The following CKB variants were observed in gnomAD, a reference collection of about 807,000 sequenced individuals.
The protein encoded by CKB is creatine kinase B.
CKB carries 15 observed loss-of-function variants against 36.9 expected under a neutral mutation model. The ratio of observed to expected loss-of-function variants is 0.41; its 90% confidence interval spans 0.27 to 0.63. The LOEUF (loss-of-function observed/expected upper bound fraction) is 0.63. Ranked by LOEUF, CKB falls within the 20% of genes least tolerant of loss-of-function variation. CKB has a pLI of 0.34. For synonymous variants in CKB, 250 were observed against 228.2 expected, an observed-to-expected ratio of 1.10 and a Z score of -0.86; for missense variants, 413 against 534.9, an observed-to-expected ratio of 0.77 and a Z score of 2.25.
intron 4 of CKB, 172 bp from the exon 5 acceptor site, chr14:103,521,606 G>A (rs1045634033): frequency 3.3e-6 from 3 of 904,690 alleles, no homozygotes; most frequent in Middle Eastern, 3.6e-4. Context: ...CGGTGACCCC[G>A]CGCCAGGACC....
At chr14:103,521,483 G>C (rs1274346739) in intron 4 of CKB, 49 bp from the exon 5 acceptor site, 1 of 1,435,782 alleles carries the variant, frequency 7.0e-7, no homozygotes, top group Non-Finnish European at 9.1e-7. Flanking sequence ...CGCCCCTCCA[G>C]CCCGCAGCGC....
chr14:103,520,924 A>G, intron 5 of CKB: 1 of 512,748 alleles, frequency 2.0e-6, no homozygotes, highest in Non-Finnish European at 3.5e-6. Flanking sequence ...CCAGCGGCGG[A>G]GGAGTGAGAA....
At position 103,521,415 on chromosome 14, in the gene CKB, G is replaced by T. The variant is rs1232714725; in HGVS notation, c.501C>A (p.Gly167=). 1 of 1,601,854 alleles carries T rather than the reference G, an allele frequency of 6.2e-7. No homozygotes were observed. The highest frequency in any genetic ancestry group is 8.5e-7 in the Non-Finnish European group (1 of 1,178,476). The change falls in exon 5 of 8, where the codon GGC becomes GGA. Residue 167 remains glycine (G), a synonymous_variant. Transcript: ENST00000348956. ...LAVEALSSLD[G]DLAGRYYALK... is the part of the protein sequence containing the mutation. ...GCGCGTAGTATCGGCCCGCCAGGTC[G>T]CCGTCCAGGCTGGACAGGGCTGCGA... is the stretch of plus-strand genomic sequence containing the variant.
rs1305950574 is a variant in CKB, at chr14:103,521,265, G to C, written c.651C>G (p.Ile217Met). The C allele has an allele frequency of 1.3e-6, 2 of 1,591,044 alleles. No homozygotes were observed. The highest frequency in any genetic ancestry group is 1.7e-6 in the Non-Finnish European group (2 of 1,172,988). The change falls in exon 5 of 8, where the codon ATC (isoleucine) becomes ATG (methionine). Residue 217 changes from isoleucine to methionine, a missense_variant and splice_region_variant. Ile to Met is a conservative substitution (Grantham distance 10). Coordinates refer to ENST00000348956, the MANE Select transcript of CKB (RefSeq NM_001823.5). ...AGAGGGCGCAGAGGGACACGCACCA[G>C]ATACCGCGGGCGTCGGGCCAGTCGC... is the stretch of plus-strand genomic sequence containing the variant. Reference protein sequence around the residue: ...MARDWPDARGIWHNDNKTFLV... With the variant: ...MARDWPDARGMWHNDNKTFLV...
intron 5 of CKB, chr14:103,520,999 C>T (rs1030483888): frequency 3.3e-6 from 2 of 601,200 alleles, no homozygotes; most frequent in African/African-American, 3.8e-5. Flanking sequence ...CCCGCCCCCA[C>T]CTCACGTCTC....
At position 103,520,323 on chromosome 14, in the gene CKB, G is replaced by T. The variant is rs1159943956; in HGVS notation, c.778-12C>A. 1 of 1,600,174 alleles carries T rather than the reference G, an allele frequency of 6.2e-7. No homozygotes were observed. The highest frequency in any genetic ancestry group is 2.2e-5 in the East Asian group (1 of 44,630). ...AAGAGAGTTTCAATCTGCAGACGGA[G>T]AAGAGGGTATGAGGGAGAAGGCCTG... is the stretch of plus-strand genomic sequence containing the variant. On this transcript the variant is annotated splice_polypyrimidine_tract_variant and intron_variant, in intron 6 of 7. Coordinates refer to ENST00000348956, the MANE Select transcript of CKB (RefSeq NM_001823.5).
At chr14:103,520,419 C>G (rs1468083650) in intron 6 of CKB, 50 bp downstream of exon 6, 2 of 1,590,738 alleles carry the variant, frequency 1.3e-6, no homozygotes, top group East Asian at 2.3e-5. Flanking sequence ...GCTGGGGCAC[C>G]CACATCCCTG....
In CKB at chr14:103,522,267, G is replaced by A. The variant is rs1007527447; in HGVS notation, c.193+34C>T. 17 of 1,575,588 alleles carry A rather than the reference G, an allele frequency of 1.1e-5. No individual in the cohort carries two copies. Among genetic ancestry groups the A allele is most frequent in the Admixed American group, 5.5e-5 (3 of 54,804 alleles). ...ACCCTGCGGCTGCGCGGGGGGAGGG[G>A]GGGCCGGGACCCCGGCCCCGAGGGG... On this transcript the variant is annotated intron_variant, in intron 2 of 7. Coordinates refer to ENST00000348956, the MANE Select transcript of CKB (RefSeq NM_001823.5). The surrounding 1 kb of genome is among the most constrained non-coding windows in gnomAD (Gnocchi z 6.7).
chr14:103,519,780 G>C lies in CKB; in HGVS notation c.*84C>G. ...CAGCAAGGCTAAGGGCTCGCCAGAC[G>C]GCGAACATCAGGGGTGCATGGTGGG... On this transcript the variant is annotated 3_prime_UTR_variant, in exon 8 of 8. Coordinates refer to ENST00000348956, the MANE Select transcript of CKB (RefSeq NM_001823.5). 1 of 1,469,466 alleles carries C rather than the reference G, an allele frequency of 6.8e-7. No individual in the cohort carries two copies. The highest frequency in any genetic ancestry group is 1.3e-5 in the South Asian group (1 of 75,008). The allele number at this position is 1,469,466 out of a possible 1,614,324, so 91.0% of individuals were successfully genotyped here.
rs2075885423 is a variant in CKB at position 103,519,721 on chromosome 14, AAAT to A, written c.*140_*142del. ...ATCAGCAGTATCTTAGCCATCAAAAAAATAAACTCTACCAAGGGTGACGGAAGT... is the reference window on the plus strand; with the variant it reads ...ATCAGCAGTATCTTAGCCATCAAAAAAAACTCTACCAAGGGTGACGGAAGT... On this transcript the variant is annotated 3_prime_UTR_variant, in exon 8 of 8. Coordinates refer to ENST00000348956, the MANE Select transcript of CKB (RefSeq NM_001823.5). The A allele has an allele frequency of 1.0e-6, 1 of 959,624 alleles. No homozygotes were observed. The highest frequency in any genetic ancestry group is 2.5e-5 in the East Asian group (1 of 39,252). The allele number at this position is 959,624 out of a possible 1,614,324, so 59.4% of individuals were successfully genotyped here.
At chr14:103,521,485 C>G in intron 4 of CKB, 51 bp from the exon 5 acceptor site, 4 of 1,436,398 alleles carry the variant, frequency 2.8e-6, no homozygotes, top group Non-Finnish European at 3.6e-6. Flanking sequence ...CCCCTCCAGC[C>G]CGCAGCGCGG....
Position 103,520,138 on chromosome 14 carries a change from A to C in CKB, c.951T>G (p.Leu317=), listed in dbSNP as rs3208514. Residue 317 remains leucine (L), a synonymous_variant, in exon 7 of 8, where the codon CTT becomes CTG. Coordinates refer to ENST00000348956, the MANE Select transcript of CKB (RefSeq NM_001823.5). The part of the protein sequence containing the change: ...KFSEVLKRLR[L]QKRGTGGVDT... ...CCTGCTCACCTGTGCCTCGCTTCTG[A>C]AGTCGCAGCCGCTTAAGCACCTCCG... is the stretch of plus-strand genomic sequence containing the variant. The C allele has an allele frequency of 1.9e-6, 3 of 1,603,876 alleles. No homozygotes were observed. The Admixed American group carries it at 5.1e-5, about 27-fold the overall frequency.
rs1195274202 is a variant in CKB at position 103,522,788 on chromosome 14, G to A, written c.-35C>T. The A allele has an allele frequency of 6.6e-6, 1 of 150,656 alleles. No individual in the cohort carries two copies. The highest frequency in any genetic ancestry group is 1.5e-5 in the Non-Finnish European group (1 of 67,458). The allele number at this position is 150,656 out of a possible 1,614,324, so 9.3% of individuals were successfully genotyped here. A position where few individuals can be genotyped will look rare whatever the true frequency, so the allele number is the denominator to read the frequency against. Reference sequence around the variant, plus strand: ...CACCGGGCGGCCGGGCGGGGGCGGGGGCGCTCCGTCCGTCGGCAGCTCCCG... The same window carrying A: ...CACCGGGCGGCCGGGCGGGGGCGGGAGCGCTCCGTCCGTCGGCAGCTCCCG... On this transcript the variant is annotated 5_prime_UTR_variant, in exon 1 of 8. Transcript: ENST00000348956. This position sits in a 1 kb window ranked among gnomAD's most constrained non-coding sequence, Gnocchi z 6.7.
At chr14:103,520,363 A>G in intron 6 of CKB, 52 bp from the exon 7 acceptor site, 1 of 1,586,426 alleles carries the variant, frequency 6.3e-7, no homozygotes, top group Non-Finnish European at 8.6e-7. Context: ...AAACCCCTAC[A>G]GGCCCTGAGA....
Position 103,520,760 on chromosome 14 carries a change from C to G in CKB, c.654-168G>C, listed in dbSNP as rs1019788873. 3.1e-6 allele frequency: 3 copies of G among 963,296 alleles called. No individual in the cohort carries two copies. In the African/African-American group the frequency reaches 5.0e-5, roughly 16 times the overall value. 59.7% of individuals were successfully genotyped at this position (963,296 alleles called of 1,614,324 possible). On this transcript the variant is annotated intron_variant, in intron 5 of 7. Transcript: ENST00000348956. ...CGGGGCGGGCGGGGGAACCGGGACG[C>G]CTCACAGCAGGAGAACCCCAGCTGC...
At chr14:103,521,196 G>T (rs977838121) in intron 5 of CKB, 67 bp downstream of exon 5, 13 of 1,514,214 alleles carry the variant, frequency 8.6e-6, no homozygotes, top group Middle Eastern at 2.1e-4. Flanking sequence ...CCCGCGAGGG[G>T]GGCGAGAGGG....
Position 103,522,417 on chromosome 14 carries a change from T to C in CKB, c.77A>G (p.His26Arg). ...CAGCACCTTGGCCATGTGGTTGTTG[T>C]GGGCGCTCAGGTCGGGGAACTCGTC... The part of the protein sequence containing the change: ...AEDEFPDLSA[H>R]NNHMAKVLTP... Residue 26 changes from histidine (H) to arginine (R), a missense_variant, in exon 2 of 8, where the codon CAC (histidine) becomes CGC (arginine). This residue lies in a region of CKB where 74 missense variants were observed against 70.6 expected (regional missense o/e 1.05). Coordinates refer to ENST00000348956, the MANE Select transcript of CKB (RefSeq NM_001823.5). The surrounding 1 kb of genome is among the most constrained non-coding windows in gnomAD (Gnocchi z 6.7). 1 of 1,609,896 alleles carries C rather than the reference T, an allele frequency of 6.2e-7. No individual in the cohort carries two copies. Among genetic ancestry groups the C allele is most frequent in the Admixed American group, 1.7e-5 (1 of 59,488 alleles).
rs36002867 is a variant in CKB, at chr14:103,519,704, T to C, written c.*160A>G. The C allele has an allele frequency of 4.3e-4, 324 of 759,966 alleles. 2 individuals carry two copies. Among genetic ancestry groups the C allele is most frequent in the Non-Finnish European group, 6.1e-4 (303 of 493,606 alleles). The allele number at this position is 759,966 out of a possible 1,614,324, so 47.1% of individuals were successfully genotyped here. ...CCCTAGTTTATTTCAGCATCAGCAG[T>C]ATCTTAGCCATCAAAAAAATAAACT... is the stretch of plus-strand genomic sequence containing the variant. On this transcript the variant is annotated 3_prime_UTR_variant, in exon 8 of 8. Coordinates refer to ENST00000348956, the MANE Select transcript of CKB (RefSeq NM_001823.5).
Position 103,522,063 on chromosome 14 carries a change from C to T in CKB, c.308G>A (p.Ser103Asn), listed in dbSNP as rs1262019287. The change falls in exon 3 of 8, where the codon AGC becomes AAC. Residue 103 changes from serine to asparagine, a missense_variant. This residue lies in a region of CKB where 314 missense variants were observed against 409.4 expected (regional missense o/e 0.77). Transcript: ENST00000348956. The surrounding 1 kb of genome is among the most constrained non-coding windows in gnomAD (Gnocchi z 6.7). ...GTTGAGGTCGGTCTTGTGCTCATCG[C>T]TGGGCTTGTAGCCGCCGTGCCGGTC... ...IEDRHGGYKPSDEHKTDLNPD... is the reference protein window; with the variant it reads ...IEDRHGGYKPNDEHKTDLNPD... The T allele has an allele frequency of 2.8e-5, 44 of 1,556,840 alleles. No homozygotes were observed. Among genetic ancestry groups the T allele is most frequent in the Non-Finnish European group, 3.8e-5 (44 of 1,150,932 alleles).
Sources: gnomAD v4.1 joint callset for allele counts on GRCh38, gnomAD v4.1.1 for gene constraint, gnomAD v4.1.1 regional missense constraint, Gnocchi (gnomAD v3.1) non-coding constraint, MANE v1.5 for transcripts, NCBI Gene and HGNC (gene_info 2026-07-23, HGNC 2026-07-21) for gene names.